SYNRG: variants seen among roughly 807,000 people sequenced by gnomAD.
SYNRG encodes AP1 gamma subunit binding protein 1.
A neutral mutation model predicts 130.9 loss-of-function variants in SYNRG; 37 were observed. That is an observed-to-expected ratio of 0.28 (90% CI 0.22 to 0.37). SYNRG has a LOEUF of 0.37. Ranked by LOEUF, SYNRG falls within the 10% of genes least tolerant of loss-of-function variation. The pLI, the probability that SYNRG is intolerant of heterozygous loss-of-function variation, is 1.00. For missense variants in SYNRG, 1,338 were observed against 1,588.9 expected, an observed-to-expected ratio of 0.84 and a Z score of 2.68; for synonymous variants, 539 against 568.1, an observed-to-expected ratio of 0.95 and a Z score of 0.73.
chr17:37,527,942 T>G (rs2056152966), intron 19 of SYNRG, among the ~76,000 whole-genome samples: 1 of 152,314 alleles, frequency 6.6e-6, no homozygotes, highest in East Asian at 1.9e-4. Context: ...GATGCCGCAC[T>G]ACATTCTGTG....
chr17:37,581,039 T>C (rs1449671485), intron 6 of SYNRG, among the ~76,000 whole-genome samples: 1 of 152,270 alleles, frequency 6.6e-6, no homozygotes, highest in East Asian at 1.9e-4. Flanking sequence ...TAGGATATCA[T>C]GAAGAGCTGA....
intron 6 of SYNRG, chr17:37,579,465 C>T (rs2061114664): frequency 7.7e-6 from 10 of 1,291,394 alleles, no homozygotes; most frequent in Non-Finnish European, 9.2e-6. Flanking sequence ...ATGAAACACA[C>T]AAAAATGGAA....
intron 19 of SYNRG, among the ~76,000 whole-genome samples, chr17:37,533,764 T>G (rs2056892826): frequency 6.6e-6 from 1 of 150,440 alleles, no homozygotes; most frequent in African/African-American, 2.4e-5. Context: ...ATTTTGTATT[T>G]TTAGTACAGA....
chr17:37,553,851 A>G lies in SYNRG; in HGVS notation c.1872T>C (p.Asn624=), dbSNP rs752779968. The part of the protein sequence containing the change: ...LADLDMFSSV[N]CSSEKPLSFS... ...AAGACAATGGTTTCTCGCTGCTGCAATTAACTGAGGAAAACATATCTAGGT... is the reference window on the plus strand; with the variant it reads ...AAGACAATGGTTTCTCGCTGCTGCAGTTAACTGAGGAAAACATATCTAGGT... Residue 624 remains asparagine (N), a synonymous_variant, in exon 14 of 22, where the codon AAT becomes AAC. Coordinates refer to ENST00000612223, the MANE Select transcript of SYNRG (RefSeq NM_007247.6). 7.4e-6 allele frequency: 12 copies of G among 1,612,622 alleles called. No homozygotes were observed. In the South Asian group the frequency reaches 9.9e-5, roughly 13 times the overall value.
At chr17:37,606,913 C>G (rs2063797314) in intron 1 of SYNRG, among the ~76,000 whole-genome samples, 1 of 151,678 alleles carries the variant, frequency 6.6e-6, no homozygotes, top group African/African-American at 2.4e-5. Context: ...ACTTAGGTTG[C>G]CATAATGTTA....
chr17:37,608,846 C>T (rs2064075395), intron 1 of SYNRG, among the ~76,000 whole-genome samples: 1 of 152,112 alleles, frequency 6.6e-6, no homozygotes, highest in African/African-American at 2.4e-5. Flanking sequence ...GGAAACAGTC[C>T]TCCAGCTTTG....
chr17:37,606,203 C>T (rs935961961), intron 1 of SYNRG, among the ~76,000 whole-genome samples: 1 of 152,202 alleles, frequency 6.6e-6, no homozygotes, highest in South Asian at 2.1e-4. Context: ...GCAGGTACAT[C>T]GTTTCCTTAG....
At chr17:37,549,080 A>G (rs1038975137) in intron 14 of SYNRG, among the ~76,000 whole-genome samples, 2 of 150,282 alleles carry the variant, frequency 1.3e-5, no homozygotes, top group Admixed American at 6.7e-5. Flanking sequence ...GGTTGCAGTG[A>G]GCTGAGATTG....
intron 19 of SYNRG, among the ~76,000 whole-genome samples, chr17:37,533,293 C>G (rs2056828290): frequency 6.6e-6 from 1 of 151,840 alleles, no homozygotes; most frequent in African/African-American, 2.4e-5. Flanking sequence ...CCCAGCTACT[C>G]AGTAGGCTGA....
chr17:37,517,650 T>A lies in SYNRG; in HGVS notation c.*1290A>T, dbSNP rs187822738. 1 of 152,136 alleles carries A rather than the reference T, an allele frequency of 6.6e-6. No homozygotes were observed. Among genetic ancestry groups the A allele is most frequent in the South Asian group, 2.1e-4 (1 of 4,826 alleles). 9.4% of individuals were successfully genotyped at this position (152,136 alleles called of 1,614,324 possible). ...AAATTATGTAAAAGCAGCAATTATA[T>A]AGACAAGACCAACTTTTTCAGTTTA... On this transcript the variant is annotated 3_prime_UTR_variant, in exon 22 of 22. Coordinates refer to ENST00000612223, the MANE Select transcript of SYNRG (RefSeq NM_007247.6).
intron 10 of SYNRG, among the ~76,000 whole-genome samples, chr17:37,570,382 A>G (rs1367316000): frequency 6.6e-6 from 1 of 152,166 alleles, no homozygotes; most frequent in Non-Finnish European, 1.5e-5. Flanking sequence ...CAATAAGCCT[A>G]GAGTGTATTA....
intron 1 of SYNRG, among the ~76,000 whole-genome samples, chr17:37,603,663 T>G (rs2063493534): frequency 1.3e-5 from 2 of 152,228 alleles, no homozygotes. Flanking sequence ...GAAACTTTTT[T>G]CTGAGAAGTA....
Position 37,540,613 on chromosome 17 carries a change from G to A in SYNRG, c.3203-70C>T, listed in dbSNP as rs996907596. The A allele has an allele frequency of 5.6e-5, 76 of 1,359,926 alleles. No homozygotes were observed. The Admixed American group carries it at 1.4e-3, about 25-fold the overall frequency. 84.2% of individuals were successfully genotyped at this position (1,359,926 alleles called of 1,614,324 possible). A position where few individuals can be genotyped will look rare whatever the true frequency, so the allele number is the denominator to read the frequency against. On this transcript the variant is annotated intron_variant, in intron 15 of 21. Transcript: ENST00000612223. ...TTAGTTCAGGCAGAGGCTCTTCCTC[G>A]CTACCACAACCCTCTTCTTTTTTTT...
intron 3 of SYNRG, among the ~76,000 whole-genome samples, chr17:37,592,918 T>C (rs535652759): frequency 3.3e-5 from 5 of 152,308 alleles, no homozygotes; most frequent in African/African-American, 9.6e-5. Context: ...GGGCAAAGGA[T>C]TTCTATTATT....
intron 21 of SYNRG, among the ~76,000 whole-genome samples, chr17:37,519,302 A>G (rs1214517021): frequency 6.6e-6 from 1 of 152,218 alleles, no homozygotes; most frequent in Non-Finnish European, 1.5e-5. Context: ...AAAGGTGGCC[A>G]AATCTTCCAT....
At chr17:37,579,882 T>C (rs1239471982) in intron 6 of SYNRG, among the ~76,000 whole-genome samples, 1 of 151,522 alleles carries the variant, frequency 6.6e-6, no homozygotes, top group East Asian at 1.9e-4. Context: ...AGCTAATTCT[T>C]CCTTTCTTTT....
At chr17:37,519,203 T>A in intron 21 of SYNRG, 132 bp from the exon 22 acceptor site, 1 of 1,183,490 alleles carries the variant, frequency 8.4e-7, no homozygotes, top group South Asian at 1.5e-5. Flanking sequence ...ACATAAAAGC[T>A]GAGCGGATAG....
intron 14 of SYNRG, among the ~76,000 whole-genome samples, chr17:37,551,851 T>A (rs903899973): frequency 8.4e-3 from 456 of 54,264 alleles, no homozygotes; most frequent in East Asian, 0.011. Flanking sequence ...AGCAAAAAAA[T>A]AAGAAAATTT....
Position 37,584,680 on chromosome 17 carries a change from T to C in SYNRG, c.557A>G (p.His186Arg), listed in dbSNP as rs2061567584. Reference protein sequence around the residue: ...LDGFSRDAKMHPTPASHPKKP... With the variant: ...LDGFSRDAKMRPTPASHPKKP... Reference sequence around the variant, plus strand: ...CTTGGGGTGCGATGCTGGAGTAGGGTGCATTTTTGCATCTCTGGAAAACCC... The same window carrying C: ...CTTGGGGTGCGATGCTGGAGTAGGGCGCATTTTTGCATCTCTGGAAAACCC... Residue 186 changes from histidine to arginine, a missense_variant, in exon 6 of 22, where the codon CAC becomes CGC. His to Arg is a conservative substitution (Grantham distance 29). Coordinates refer to ENST00000612223, the MANE Select transcript of SYNRG (RefSeq NM_007247.6). 1 of 1,613,824 alleles carries C rather than the reference T, an allele frequency of 6.2e-7. No homozygotes were observed. The highest frequency in any genetic ancestry group is 1.3e-5 in the African/African-American group (1 of 74,920).
Sources: allele counts gnomAD v4.1 joint callset (sites outside exome capture counted in the v4.1 genomes callset), GRCh38; gene constraint gnomAD v4.1.1; transcripts MANE v1.5; gene names NCBI Gene and HGNC (gene_info 2026-07-23, HGNC 2026-07-21).